Variants in PDE1A observed in about 807,000 individuals in gnomAD.
The protein encoded by PDE1A is phosphodiesterase 1A.
In PDE1A, 35 loss-of-function variants were observed where a neutral mutation model predicts 61.7. That is an observed-to-expected ratio of 0.57 (90% CI 0.43 to 0.75). PDE1A has a LOEUF of 0.75. Ranked by LOEUF, PDE1A falls within the 30% of genes least tolerant of loss-of-function variation. PDE1A has a pLI of 0.00. For synonymous variants in PDE1A, 232 were observed against 213.2 expected, an observed-to-expected ratio of 1.09 and a Z score of -0.77; for missense variants, 597 against 630.6, an observed-to-expected ratio of 0.95 and a Z score of 0.57.
intron 1 of PDE1A, among the ~76,000 whole-genome samples, chr2:182,341,998 G>A (rs1472207354): frequency 6.6e-6 from 1 of 152,042 alleles, no homozygotes; most frequent in Non-Finnish European, 1.5e-5. Flanking sequence ...GGAACTCCTA[G>A]CCTCTAGTGA....
At chr2:182,240,013 A>G in intron 3 of PDE1A, 97 bp downstream of exon 3, 1 of 1,050,354 alleles carries the variant, frequency 9.5e-7, no homozygotes, top group African/African-American at 1.6e-5. Context: ...AGTTTTCGTC[A>G]ATAAGTGAAA....
At chr2:182,530,304 G>T in the PDE1A span, among the ~76,000 whole-genome samples, 1 of 150,062 alleles carries the variant, frequency 6.7e-6, no homozygotes, top group East Asian at 2.0e-4. Context: ...AAACCACAGT[G>T]AAGGTAATGG....
intron 10 of PDE1A, among the ~76,000 whole-genome samples, chr2:182,200,902 G>A (rs974917069): frequency 3.6e-4 from 55 of 152,162 alleles, no homozygotes; most frequent in Non-Finnish European, 7.1e-4. Flanking sequence ...ACAGGGACAT[G>A]TATAAAGAAA....
chr2:182,264,878 CATATATAT>C (rs148358464), intron 1 of PDE1A, among the ~76,000 whole-genome samples: 4 of 106,878 alleles, frequency 3.7e-5, no homozygotes, highest in African/African-American at 1.5e-4. Flanking sequence ...TATATATATA[CATATATAT>C]ATATATGTAT....
intron 2 of PDE1A, among the ~76,000 whole-genome samples, chr2:182,475,083 G>A (rs1270548462): frequency 6.6e-6 from 1 of 151,856 alleles, no homozygotes; most frequent in African/African-American, 2.4e-5. Context: ...CTCATCTCAA[G>A]GACTTGTCTA....
the PDE1A span, among the ~76,000 whole-genome samples, chr2:182,669,273 G>T: frequency 6.6e-6 from 1 of 152,168 alleles, no homozygotes; most frequent in Non-Finnish European, 1.5e-5. Flanking sequence ...GGCCCATTTT[G>T]TTTGTTAGGT....
chr2:182,647,398 C>A, the PDE1A span, among the ~76,000 whole-genome samples: 1 of 152,120 alleles, frequency 6.6e-6, no homozygotes, highest in Non-Finnish European at 1.5e-5. Flanking sequence ...GTACACCTTC[C>A]CAGAACAACT....
chr2:182,653,579 C>T, the PDE1A span, among the ~76,000 whole-genome samples: 2 of 152,042 alleles, frequency 1.3e-5, no homozygotes, highest in African/African-American at 2.4e-5. Flanking sequence ...GCAGAAACCC[C>T]GTTATCAAGG....
chr2:182,480,252 A>G (rs1687619989), intron 2 of PDE1A, among the ~76,000 whole-genome samples: 1 of 151,934 alleles, frequency 6.6e-6, no homozygotes, highest in Non-Finnish European at 1.5e-5. Context: ...TGGTCAAATA[A>G]CACTCATTTT....
At chr2:182,653,194 T>A in the PDE1A span, among the ~76,000 whole-genome samples, 2 of 152,292 alleles carry the variant, frequency 1.3e-5, no homozygotes, top group African/African-American at 2.4e-5. Context: ...TCCCCTAATA[T>A]AGCAGAGCTA....
At chr2:182,560,284 A>G in the PDE1A span, among the ~76,000 whole-genome samples, 2 of 136,450 alleles carry the variant, frequency 1.5e-5, no homozygotes, top group South Asian at 4.6e-4. Flanking sequence ...TCATTGTTCA[A>G]TTCCCACCTA....
intron 2 of PDE1A, among the ~76,000 whole-genome samples, chr2:182,444,143 A>G (rs1367778038): frequency 1.3e-5 from 2 of 152,132 alleles, no homozygotes; most frequent in Non-Finnish European, 2.9e-5. Context: ...CTTTGGCAAT[A>G]TTGGACGACT....
chr2:182,383,511 T>A (rs369766708), intron 1 of PDE1A, among the ~76,000 whole-genome samples: 1 of 152,128 alleles, frequency 6.6e-6, no homozygotes, highest in South Asian at 2.1e-4. Context: ...TTAAAACATA[T>A]ATAATACAAG....
the PDE1A span, among the ~76,000 whole-genome samples, chr2:182,602,249 T>C: frequency 6.6e-6 from 1 of 152,200 alleles, no homozygotes; most frequent in Non-Finnish European, 1.5e-5. Context: ...CAGCAACACC[T>C]GGGGAGCTTC....
intron 1 of PDE1A, among the ~76,000 whole-genome samples, chr2:182,377,416 C>T (rs926170493): frequency 2.6e-5 from 4 of 152,156 alleles, no homozygotes; most frequent in African/African-American, 7.2e-5. Flanking sequence ...GATGTCAGAG[C>T]GATGCTTCCT....
intron 6 of PDE1A, among the ~76,000 whole-genome samples, chr2:182,226,644 G>A (rs1271462198): frequency 1.3e-5 from 2 of 149,738 alleles, no homozygotes; most frequent in Admixed American, 6.6e-5. Context: ...AAGCCAGAGA[G>A]AACGAGGTTA....
the PDE1A span, among the ~76,000 whole-genome samples, chr2:182,545,141 A>G: frequency 6.6e-6 from 1 of 152,208 alleles, no homozygotes; most frequent in African/African-American, 2.4e-5. Flanking sequence ...AGACAGACAC[A>G]AGTGTAAGAA....
chr2:182,476,293 C>A (rs1483434604), intron 2 of PDE1A, among the ~76,000 whole-genome samples: 1 of 151,834 alleles, frequency 6.6e-6, no homozygotes, highest in Non-Finnish European at 1.5e-5. Context: ...GAATTCAACA[C>A]CAGCCTATTC....
At chr2:182,152,765 T>G (rs1179879134) in intron 13 of PDE1A, among the ~76,000 whole-genome samples, 1 of 152,110 alleles carries the variant, frequency 6.6e-6, no homozygotes, top group Non-Finnish European at 1.5e-5. Context: ...AAGAAGCAGT[T>G]GTATGTGTTC....
Sources: gnomAD v4.1 joint callset for allele counts (sites outside exome capture counted in the v4.1 genomes callset) on GRCh38, gnomAD v4.1.1 for gene constraint, MANE v1.5 for transcripts, NCBI Gene and HGNC (gene_info 2026-07-23, HGNC 2026-07-21) for gene names.